SETBP1: variants seen among roughly 807,000 people sequenced by gnomAD.
SETBP1 encodes the protein SET binding protein 1, also known as SET-binding protein.
Under a neutral mutation model 101.0 loss-of-function variants are expected in SETBP1, and 9 were observed. The ratio of observed to expected loss-of-function variants is 0.09; its 90% CI spans 0.05 to 0.16. The LOEUF (loss-of-function observed/expected upper bound fraction) is 0.16. SETBP1 is among the 10% of genes least tolerant of loss of function. The probability of loss-of-function intolerance (pLI) is 1.00; values close to 1 mark genes in which losing one functional copy is unlikely to be tolerated. For missense variants in SETBP1, 1,858 were observed against 2,033.8 expected, an observed-to-expected ratio of 0.91 and a Z score of 1.66; for synonymous variants, 818 against 788.5, an observed-to-expected ratio of 1.04 and a Z score of -0.63.
Position 44,950,784 on chromosome 18 carries a change from A to G in SETBP1, c.1444A>G (p.Thr482Ala), listed in dbSNP as rs1456914382. 1.2e-6 allele frequency: 2 copies of G among 1,614,096 alleles called. No homozygotes were observed. The highest frequency in any genetic ancestry group is 3.3e-5 in the Admixed American group (2 of 60,020). ...ENESPSVGLE[T>A]GGNAEKVIPG... ...TGAGTCCCCCTCAGTTGGCCTTGAAACTGGTGGAAATGCTGAGAAAGTTAT... is the reference window on the plus strand; with the variant it reads ...TGAGTCCCCCTCAGTTGGCCTTGAAGCTGGTGGAAATGCTGAGAAAGTTAT... Residue 482 changes from threonine (T) to alanine (A), a missense_variant, in exon 4 of 6, where the codon ACT becomes GCT. Physicochemically the swap from Thr to Ala is moderately conservative, Grantham distance 58 (BLOSUM62 0). Around this residue, in one of 12 missense-constraint regions of SETBP1, gnomAD observed 581 missense variants for 535.1 expected, o/e 1.09. Coordinates refer to ENST00000649279, the MANE Select transcript of SETBP1 (RefSeq NM_015559.3).
At chr18:44,820,250 T>C (rs1178155851) in intron 2 of SETBP1, among the ~76,000 whole-genome samples, 1 of 152,242 alleles carries the variant, frequency 6.6e-6, no homozygotes, top group Non-Finnish European at 1.5e-5. Flanking sequence ...CCTAGTCAAC[T>C]CCCTGTTTTA....
chr18:44,730,242 A>G (rs1040910749), intron 2 of SETBP1, among the ~76,000 whole-genome samples: 2 of 152,254 alleles, frequency 1.3e-5, no homozygotes, highest in East Asian at 3.8e-4. Context: ...GCCCTCAAAC[A>G]AGTTTTATTC....
rs529290982 is a variant in SETBP1, at chr18:44,846,333, G to A, written c.487-22897G>A. Reference sequence around the variant, plus strand: ...AGTGTGCAATTCAGTGGTTTTTGGTGTATTACAAAGTTGTGCAACCATCTC... The same window carrying A: ...AGTGTGCAATTCAGTGGTTTTTGGTATATTACAAAGTTGTGCAACCATCTC... On this transcript the variant is annotated intron_variant, in intron 2 of 5. Transcript: ENST00000649279. 3.9e-5 allele frequency among the ~76,000 whole-genome samples: 6 copies of A among 152,276 alleles called. No homozygotes were observed. The East Asian group carries it at 5.8e-4, about 15-fold the overall frequency.
intron 3 of SETBP1, among the ~76,000 whole-genome samples, chr18:44,915,743 G>T (rs748116758): frequency 6.6e-6 from 1 of 152,182 alleles, no homozygotes; most frequent in African/African-American, 2.4e-5. Flanking sequence ...CACCTGCTAC[G>T]ACTTACTGTG....
chr18:44,947,492 C>CTTTT (rs58509226), intron 3 of SETBP1, among the ~76,000 whole-genome samples: 8 of 114,206 alleles, frequency 7.0e-5, no homozygotes, highest in Non-Finnish European at 8.8e-5. Context: ...GTTTGTCCCA[C>CTTTT]TTTTTTTTTT....
chr18:44,714,898 A>G (rs888766540), intron 2 of SETBP1, among the ~76,000 whole-genome samples: 2 of 152,164 alleles, frequency 1.3e-5, no homozygotes, highest in Non-Finnish European at 2.9e-5. Context: ...GTGTACTCAC[A>G]TCTGCCCAGC....
intron 2 of SETBP1, among the ~76,000 whole-genome samples, chr18:44,736,010 A>G (rs1314521018): frequency 1.3e-5 from 2 of 152,208 alleles, no homozygotes; most frequent in African/African-American, 4.8e-5. Flanking sequence ...CTGCCTTAGA[A>G]TCATGAAGAA....
At chr18:44,919,343 C>T (rs1409442061) in intron 3 of SETBP1, among the ~76,000 whole-genome samples, 1 of 149,204 alleles carries the variant, frequency 6.7e-6, no homozygotes, top group Non-Finnish European at 1.5e-5. Flanking sequence ...TCAAATCCCC[C>T]CATCTTTTTT....
At chr18:44,790,054 T>G (rs1156687713) in intron 2 of SETBP1, among the ~76,000 whole-genome samples, 2 of 152,116 alleles carry the variant, frequency 1.3e-5, no homozygotes, top group Non-Finnish European at 2.9e-5. Flanking sequence ...CACTTCTCCT[T>G]TGAATCCTGG....
intron 2 of SETBP1, among the ~76,000 whole-genome samples, chr18:44,800,285 G>C (rs189262139): frequency 6.4e-4 from 98 of 152,276 alleles, no homozygotes; most frequent in African/African-American, 2.3e-3. Flanking sequence ...TCCTTTTGAT[G>C]TTTGGGGTAA....
intron 2 of SETBP1, among the ~76,000 whole-genome samples, chr18:44,756,398 A>G (rs1217444936): frequency 6.6e-6 from 1 of 152,142 alleles, no homozygotes; most frequent in Non-Finnish European, 1.5e-5. Context: ...CCCTGGTACC[A>G]CTTTTGAGAA....
Position 44,924,217 on chromosome 18 carries a change from A to G in SETBP1, c.541-25664A>G, listed in dbSNP as rs145501532. ...AATAAATGATGCCAGGTTGGGGGTT[A>G]GGCACTTTTGTGATTCTAGTTCCCC... is the stretch of plus-strand genomic sequence containing the variant. On this transcript the variant is annotated intron_variant, in intron 3 of 5. Transcript: ENST00000649279. 5.4e-3 allele frequency among the ~76,000 whole-genome samples: 822 copies of G among 152,228 alleles called. 4 individuals carry two copies. Among genetic ancestry groups the G allele is most frequent in the Non-Finnish European group, 9.0e-3 (610 of 68,026 alleles).
At chr18:44,749,836 T>C (rs2070341892) in intron 2 of SETBP1, among the ~76,000 whole-genome samples, 1 of 152,222 alleles carries the variant, frequency 6.6e-6, no homozygotes, top group Admixed American at 6.5e-5. Flanking sequence ...TACAGCCATA[T>C]GTGTTCATTC....
chr18:45,043,544 T>C (rs914780315), intron 5 of SETBP1, among the ~76,000 whole-genome samples: 1 of 152,242 alleles, frequency 6.6e-6, no homozygotes, highest in African/African-American at 2.4e-5. Flanking sequence ...AGCACAGCTC[T>C]TAGCTTCTAT....
intron 3 of SETBP1, among the ~76,000 whole-genome samples, chr18:44,926,188 T>C (rs12606696): frequency 0.48 from 72,923 of 151,942 alleles, 17,824 homozygotes; most frequent in East Asian, 0.73. Flanking sequence ...CCACCTTGGC[T>C]TCCAAAAGTG....
intron 2 of SETBP1, among the ~76,000 whole-genome samples, chr18:44,836,299 T>G (rs1312596852): frequency 6.6e-6 from 1 of 152,230 alleles, no homozygotes; most frequent in Non-Finnish European, 1.5e-5. Context: ...CTTCATTTTA[T>G]TAGAGTCTCA....
At chr18:44,886,610 G>A (rs543223039) in intron 3 of SETBP1, among the ~76,000 whole-genome samples, 1 of 152,066 alleles carries the variant, frequency 6.6e-6, no homozygotes, top group East Asian at 1.9e-4. Context: ...GGTGATTTCT[G>A]TAGGAAGGGC....
intron 4 of SETBP1, among the ~76,000 whole-genome samples, chr18:44,977,361 A>G (rs1365628854): frequency 1.3e-5 from 2 of 152,254 alleles, no homozygotes; most frequent in African/African-American, 2.4e-5. Context: ...AACTTTGGTT[A>G]TAAACCCTGG....
At chr18:44,700,687 A>G (rs1372772896) in intron 1 of SETBP1, among the ~76,000 whole-genome samples, 2 of 152,182 alleles carry the variant, frequency 1.3e-5, no homozygotes, top group Non-Finnish European at 2.9e-5. Context: ...CCCTCCTCCA[A>G]GTGGGTGGAG....
Sources: gnomAD v4.1 joint callset for allele counts (sites outside exome capture counted in the v4.1 genomes callset) on GRCh38, gnomAD v4.1.1 for gene constraint, gnomAD v4.1.1 regional missense constraint, MANE v1.5 for transcripts, NCBI Gene and HGNC (gene_info 2026-07-23, HGNC 2026-07-21) for gene names.